EPHA6: variants seen among roughly 807,000 people sequenced by gnomAD.
The protein encoded by EPHA6 is ephrin type-A receptor 6.
In EPHA6, 50 loss-of-function variants were observed where a neutral mutation model predicts 112.0. The ratio of observed to expected loss-of-function variants is 0.45; its 90% CI spans 0.36 to 0.56. The LOEUF (loss-of-function observed/expected upper bound fraction) is 0.56. EPHA6 is among the 20% of genes least tolerant of loss of function. The pLI is 0.00. For missense variants in EPHA6, 1,280 were observed against 1,417.4 expected, an observed-to-expected ratio of 0.90 and a Z score of 1.56; for synonymous variants, 529 against 490.7, an observed-to-expected ratio of 1.08 and a Z score of -1.03.
intron 12 of EPHA6, among the ~76,000 whole-genome samples, chr3:97,602,191 A>G (rs1467187141): frequency 6.6e-6 from 1 of 152,056 alleles, no homozygotes; most frequent in African/African-American, 2.4e-5. Context: ...GAATATTAAT[A>G]TAATATAAAA....
rs569727647 is a variant in EPHA6 at position 97,455,852 on chromosome 3, C to CA, written c.1894+7134dup. On this transcript the variant is annotated intron_variant, in intron 7 of 17. Transcript: ENST00000389672. Reference sequence around the variant, plus strand: ...CGCCCTTCAAGAGAGACTGAATTGACAAAAAAAAAAAAGATATTTTATTTC... The same window carrying CA: ...CGCCCTTCAAGAGAGACTGAATTGACAAAAAAAAAAAAAGATATTTTATTTC... Among the ~76,000 whole-genome samples the CA allele has an allele frequency of 3.5e-3, 442 of 125,964 alleles. 1 individual carries two copies. Among genetic ancestry groups the CA allele is most frequent in the Middle Eastern group, 8.3e-3 (2 of 240 alleles). 82.6% of individuals were successfully genotyped at this position (125,964 alleles called of 152,430 possible). A position where few individuals can be genotyped will look rare whatever the true frequency, so the allele number is the denominator to read the frequency against.
Position 97,687,984 on chromosome 3 carries a change from A to G in EPHA6, c.2785-32277A>G, listed in dbSNP as rs939640457. 3.3e-5 allele frequency among the ~76,000 whole-genome samples: 5 copies of G among 152,208 alleles called. No individual in the cohort carries two copies. The South Asian group carries it at 6.2e-4, about 19-fold the overall frequency. ...GGAAGTGACACATGTTGCTTCCCTT[A>G]CATTCCATTGGCCAACCAAGTCTCC... On this transcript the variant is annotated intron_variant, in intron 14 of 17. Coordinates refer to ENST00000389672, the MANE Select transcript of EPHA6 (RefSeq NM_001080448.3).
chr3:97,456,674 T>C (rs923724394), intron 7 of EPHA6, among the ~76,000 whole-genome samples: 2 of 152,170 alleles, frequency 1.3e-5, no homozygotes, highest in African/African-American at 2.4e-5. Flanking sequence ...AGATAATATA[T>C]GGTCTCTGTC....
chr3:97,585,577 A>G (rs1018628916), intron 11 of EPHA6, among the ~76,000 whole-genome samples: 5 of 152,218 alleles, frequency 3.3e-5, no homozygotes, highest in Admixed American at 2.0e-4. Context: ...TGAAATATCT[A>G]TAGGATTCAT....
chr3:97,418,680 G>A (rs9862468), intron 6 of EPHA6, among the ~76,000 whole-genome samples: 18,753 of 151,788 alleles, frequency 0.12, 3,706 homozygotes, highest in African/African-American at 0.41. Context: ...TAAAGAAATG[G>A]GCATAAATAA....
At chr3:96,992,762 T>C (rs1313480074) in intron 3 of EPHA6, among the ~76,000 whole-genome samples, 1 of 152,174 alleles carries the variant, frequency 6.6e-6, no homozygotes, top group Non-Finnish European at 1.5e-5. Context: ...ATCCATGCGT[T>C]TTTGTATCTC....
chr3:97,750,987 A>T lies in EPHA6; in HGVS notation c.*2286A>T, dbSNP rs1168053474. ...GATACATTTACACAAATCTGGATAC[A>T]CTTAGAAGAAATATAAAATTTCCAT... On this transcript the variant is annotated 3_prime_UTR_variant, in exon 18 of 18. Coordinates refer to ENST00000389672, the MANE Select transcript of EPHA6 (RefSeq NM_001080448.3). Among the ~76,000 whole-genome samples, 1 of 152,138 alleles carries T rather than the reference A, an allele frequency of 6.6e-6. No individual in the cohort carries two copies. Among genetic ancestry groups the T allele is most frequent in the Non-Finnish European group, 1.5e-5 (1 of 68,032 alleles).
At chr3:96,869,753 A>G (rs1486296824) in intron 2 of EPHA6, among the ~76,000 whole-genome samples, 1 of 152,096 alleles carries the variant, frequency 6.6e-6, no homozygotes, top group Non-Finnish European at 1.5e-5. Flanking sequence ...CCACTATAGT[A>G]TATAAAATCA....
chr3:97,119,647 A>G (rs1017348159), intron 3 of EPHA6, among the ~76,000 whole-genome samples: 10 of 152,040 alleles, frequency 6.6e-5, no homozygotes, highest in Admixed American at 6.6e-4. Context: ...AGTGATTACT[A>G]TGAATGAAGA....
chr3:97,614,509 T>A (rs200816693), intron 13 of EPHA6, among the ~76,000 whole-genome samples: 41 of 90,266 alleles, frequency 4.5e-4, no homozygotes, highest in Middle Eastern at 4.3e-3. Flanking sequence ...TAATTTTTTT[T>A]TTTTTTTTTT....
chr3:97,235,780 C>T (rs1472298305), intron 4 of EPHA6, among the ~76,000 whole-genome samples: 2 of 152,096 alleles, frequency 1.3e-5, no homozygotes, highest in Admixed American at 6.6e-5. Flanking sequence ...CTCTCCCTAA[C>T]CAACTTTAAC....
chr3:97,592,388 G>A (rs2093553115), intron 11 of EPHA6, among the ~76,000 whole-genome samples: 1 of 152,144 alleles, frequency 6.6e-6, no homozygotes, highest in Non-Finnish European at 1.5e-5. Context: ...GCACTCTGAT[G>A]CTTCTAACCC....
At chr3:97,262,982 G>A (rs1314263592) in intron 5 of EPHA6, among the ~76,000 whole-genome samples, 1 of 152,098 alleles carries the variant, frequency 6.6e-6, no homozygotes, top group East Asian at 1.9e-4. Context: ...CTTGCTAACT[G>A]GATGATCTAA....
intron 14 of EPHA6, among the ~76,000 whole-genome samples, chr3:97,660,363 C>G (rs1289953380): frequency 6.6e-6 from 1 of 152,024 alleles, no homozygotes; most frequent in Admixed American, 6.6e-5. Context: ...TGTAGCCATC[C>G]TGCCATTCAC....
At chr3:97,248,327 G>C (rs2079038693) in intron 5 of EPHA6, among the ~76,000 whole-genome samples, 2 of 151,970 alleles carry the variant, frequency 1.3e-5, no homozygotes, top group South Asian at 4.1e-4. Context: ...GTTTCATTTA[G>C]AGAGCAAAAC....
intron 5 of EPHA6, among the ~76,000 whole-genome samples, chr3:97,297,068 A>C (rs1343256198): frequency 6.6e-6 from 1 of 152,122 alleles, no homozygotes; most frequent in Non-Finnish European, 1.5e-5. Flanking sequence ...TAATCCCATC[A>C]TGTGGTCTCC....
chr3:97,512,458 A>T (rs954688227), intron 10 of EPHA6, among the ~76,000 whole-genome samples: 1 of 152,138 alleles, frequency 6.6e-6, no homozygotes, highest in Non-Finnish European at 1.5e-5. Context: ...TTTTGGAAAG[A>T]TGCCTTTTCT....
chr3:97,707,242 T>A (rs1471249707), intron 14 of EPHA6, among the ~76,000 whole-genome samples: 1 of 152,202 alleles, frequency 6.6e-6, no homozygotes, highest in South Asian at 2.1e-4. Context: ...AAATAATCAA[T>A]AAATTTACAT....
chr3:97,306,161 C>T (rs556591457), intron 5 of EPHA6, among the ~76,000 whole-genome samples: 4 of 151,830 alleles, frequency 2.6e-5, no homozygotes, highest in Non-Finnish European at 5.9e-5. Context: ...ATAACAACTT[C>T]GTAGGTTGGT....
Sources: allele counts gnomAD v4.1 joint callset (sites outside exome capture counted in the v4.1 genomes callset), GRCh38; gene constraint gnomAD v4.1.1; transcripts MANE v1.5; gene names NCBI Gene and HGNC (gene_info 2026-07-23, HGNC 2026-07-21).